Variants in DDX54 observed in about 807,000 individuals in gnomAD.
DDX54 encodes ATP-dependent RNA helicase DDX54.
Under a neutral mutation model 105.5 loss-of-function variants are expected in DDX54, and 67 were observed. That is an observed-to-expected ratio of 0.64 (90% CI 0.52 to 0.78). DDX54 has a LOEUF of 0.78. Ranked by LOEUF, DDX54 falls within the 30% of genes least tolerant of loss-of-function variation. The probability of loss-of-function intolerance (pLI) is 0.00; values close to 1 mark genes in which losing one functional copy is unlikely to be tolerated. For synonymous variants in DDX54, 514 were observed against 509.9 expected (o/e 1.01, Z -0.11); for missense variants, 1,206 against 1,230.5 (o/e 0.98, Z 0.30).
In DDX54 at chr12:113,175,016, T is replaced by C. The variant is rs777475302; in HGVS notation, c.874+20A>G. 2.5e-6 allele frequency: 4 copies of C among 1,608,022 alleles called. No individual in the cohort carries two copies. The highest frequency in any genetic ancestry group is 1.3e-5 in the African/African-American group (1 of 74,630). On this transcript the variant is annotated intron_variant, in intron 8 of 19. Transcript: ENST00000306014. ...CCCAGCCTGACCCCCAGCCCCCATC[T>C]CCACCCCCAGCTCACGCACCAGCCC...
At chr12:113,172,888 G>A (rs1952356908) in intron 10 of DDX54, among the ~76,000 whole-genome samples, 1 of 152,232 alleles carries the variant, frequency 6.6e-6, no homozygotes, top group Admixed American at 6.5e-5. Context: ...GTGACCTTGG[G>A]CAAGTTACCA....
Position 113,163,250 on chromosome 12 carries a change from G to A in DDX54, c.1963C>T (p.Arg655Trp), listed in dbSNP as rs201203830. 12 of 1,610,144 alleles carry A rather than the reference G, an allele frequency of 7.5e-6. No homozygotes were observed. The highest frequency in any genetic ancestry group is 6.7e-5 in the East Asian group (3 of 44,878). The change falls in exon 16 of 20, where the codon CGG (arginine) becomes TGG (tryptophan). Residue 655 changes from arginine to tryptophan, a missense_variant. By Grantham distance (101) the Arg-to-Trp change is moderately radical (BLOSUM62 -3). Coordinates refer to ENST00000306014, the MANE Select transcript of DDX54 (RefSeq NM_024072.4). The surrounding 1 kb of genome is among the most constrained non-coding windows in gnomAD (Gnocchi z 5.9). The part of the protein sequence containing the change: ...VEDIFSEVVG[R>W]KRQRSGPNRG... ...TTGGGTCCTGACCGCTGCCGCTTCC[G>A]GCCCACGACCTCTGAGAAAATGTCC... is the stretch of plus-strand genomic sequence containing the variant.
At position 113,175,110 on chromosome 12, in the gene DDX54, C is replaced by G; in HGVS notation, c.800G>C (p.Arg267Pro). The G allele has an allele frequency of 6.2e-7, 1 of 1,613,596 alleles. No homozygotes were observed. Among genetic ancestry groups the G allele is most frequent in the South Asian group, 1.1e-5 (1 of 91,048 alleles). The change falls in exon 8 of 20, where the codon CGC (arginine) becomes CCC (proline). Residue 267 changes from arginine to proline, a missense_variant. By Grantham distance (103) the Arg-to-Pro change is moderately radical. Transcript: ENST00000306014. ...CACCGTCTGGTGGCCCCCGGGGAGG[C>G]GGGCGATGATCTCCTGCAGCTGCTC... Reference protein sequence around the residue: ...FAEQLQEIIARLPGGHQTVLF... With the variant: ...FAEQLQEIIAPLPGGHQTVLF...
At chr12:113,174,990 C>G (rs1362929958) in intron 8 of DDX54, 46 bp downstream of exon 8, 1 of 1,610,236 alleles carries the variant, frequency 6.2e-7, no homozygotes, top group East Asian at 2.2e-5. Flanking sequence ...GGCCCCCAGG[C>G]CCCAGCCTGA....
chr12:113,165,898 G>A lies in DDX54; in HGVS notation c.1549C>T (p.Gln517Ter). The A allele has an allele frequency of 6.2e-7, 1 of 1,613,806 alleles. No individual in the cohort carries two copies. Among genetic ancestry groups the A allele is most frequent in the Non-Finnish European group, 8.5e-7 (1 of 1,180,028 alleles). Residue 517 changes from glutamine to a stop codon, truncating the protein, a stop_gained, in exon 13 of 20, where the codon CAG becomes TAG. Transcript: ENST00000306014. LOFTEE classifies it high-confidence loss of function. ...GCCGGGCGTGAGCGCACATACTGCT[G>A]CTGGGCGTTATCAGCAACGCGGGCC... is the stretch of plus-strand genomic sequence containing the variant. ...GLARVADNAQ[Q>*]QYVRSRPAPS...
intron 18 of DDX54, 136 bp from the exon 19 acceptor site, chr12:113,161,518 TC>T: frequency 1.6e-6 from 1 of 625,344 alleles, no homozygotes; most frequent in Non-Finnish European, 2.7e-6. Context: ...AGCACACAGG[TC>T]CCACTTATTG....
At position 113,169,801 on chromosome 12, in the gene DDX54, G is replaced by A. The variant is rs1235220544; in HGVS notation, c.1383C>T (p.Leu461=). ...GCTCCTTGAGGGGTCGGGCGAGGGT[G>A]AGGGAGCGGCCCAGGAACAGGTGCA... ...LDLHLFLGRS[L]TLARPLKEPS... Residue 461 remains leucine, a synonymous_variant, in exon 12 of 20, where the codon CTC becomes CTT. Coordinates refer to ENST00000306014, the MANE Select transcript of DDX54 (RefSeq NM_024072.4). 1.9e-6 allele frequency: 3 copies of A among 1,614,018 alleles called. No homozygotes were observed. Among genetic ancestry groups the A allele is most frequent in the Admixed American group, 1.7e-5 (1 of 59,994 alleles).
intron 19 of DDX54, 105 bp from the exon 20 acceptor site, chr12:113,159,214 G>A (rs1360474999): frequency 4.0e-6 from 5 of 1,253,332 alleles, no homozygotes; most frequent in African/African-American, 1.5e-5. Context: ...CCTGTTCTGT[G>A]CTTATTGCTG....
chr12:113,164,368 C>G, intron 14 of DDX54, 83 bp from the exon 15 acceptor site: 1 of 1,450,650 alleles, frequency 6.9e-7, no homozygotes. Flanking sequence ...TTCCTATGGG[C>G]GTTCTTCCCC....
At chr12:113,165,514 T>G in intron 14 of DDX54, 130 bp downstream of exon 14, 1 of 953,180 alleles carries the variant, frequency 1.0e-6, no homozygotes. Flanking sequence ...GGGGTCCTGC[T>G]GGGGGTCAGG....
At chr12:113,174,380 G>A (rs763573970) in intron 10 of DDX54, among the ~76,000 whole-genome samples, 17 of 151,924 alleles carry the variant, frequency 1.1e-4, no homozygotes, top group Non-Finnish European at 2.1e-4. Context: ...CCAAGTACTC[G>A]GGAGGCTGAG....
At chr12:113,185,228 C>T in intron 1 of DDX54, 50 bp downstream of exon 1, 2 of 1,442,974 alleles carry the variant, frequency 1.4e-6, no homozygotes, top group South Asian at 2.9e-5. Context: ...GAGGCGCTGC[C>T]CGGAGCCGGG....
intron 5 of DDX54, among the ~76,000 whole-genome samples, chr12:113,177,529 A>G (rs1566099872): frequency 6.6e-6 from 1 of 152,100 alleles, no homozygotes; most frequent in Non-Finnish European, 1.5e-5. Flanking sequence ...CCCTTGGGAT[A>G]CCTGTAGGAG....
chr12:113,168,377 G>C (rs926900948), intron 12 of DDX54, among the ~76,000 whole-genome samples: 6 of 152,180 alleles, frequency 3.9e-5, no homozygotes, highest in Admixed American at 1.3e-4. Context: ...TTGGGCCTCT[G>C]GGGGGGCCTG....
intron 3 of DDX54, 79 bp downstream of exon 3, chr12:113,179,856 G>A (rs1952445441): frequency 6.7e-7 from 1 of 1,500,642 alleles, no homozygotes; most frequent in Admixed American, 1.7e-5. Flanking sequence ...GTGGGACAAG[G>A]GGTGGCTGTC....
Position 113,163,002 on chromosome 12 carries a change from C to G in DDX54, c.2125G>C (p.Ala709Pro). The part of the protein sequence containing the change: ...GEGGAFEQQA[A>P]GAVLDLMGDE... ...CCCATCAAGTCCAGGACAGCGCCAGCTGCCTGCTGCTCAAAGGCTCCCCCT... is the reference window on the plus strand; with the variant it reads ...CCCATCAAGTCCAGGACAGCGCCAGGTGCCTGCTGCTCAAAGGCTCCCCCT... Residue 709 changes from alanine (A) to proline (P), a missense_variant, in exon 17 of 20, where the codon GCT (alanine) becomes CCT (proline). Ala to Pro is a conservative substitution (Grantham distance 27). This residue lies in a region of DDX54 where 961 missense variants were observed against 1,019.1 expected (regional missense o/e 0.94). Transcript: ENST00000306014. The surrounding 1 kb of genome is among the most constrained non-coding windows in gnomAD (Gnocchi z 5.9). 6.2e-7 allele frequency: 1 copy of G among 1,609,518 alleles called. No homozygotes were observed. The highest frequency in any genetic ancestry group is 8.5e-7 in the Non-Finnish European group (1 of 1,179,818).
chr12:113,164,355 G>A, intron 14 of DDX54, 70 bp from the exon 15 acceptor site: 1 of 1,481,694 alleles, frequency 6.7e-7, no homozygotes. Context: ...CCACTTGGTG[G>A]GCTTCCTATG....
In DDX54 at chr12:113,159,071, G is replaced by A. The variant is rs772730940; in HGVS notation, c.2452C>T (p.Arg818Ter). The change falls in exon 20 of 20, where the codon CGA (arginine) becomes TGA (stop). Residue 818 changes from arginine (R) to a stop codon, truncating the protein, a stop_gained. Coordinates refer to ENST00000306014, the MANE Select transcript of DDX54 (RefSeq NM_024072.4). LOFTEE classifies it high-confidence loss of function. Reference sequence around the variant, plus strand: ...TTGGTCTTGAGTTCCGGGCGGACTCGGCCTGCAGGGGTGCCTGGGGCGTGG... The same window carrying A: ...TTGGTCTTGAGTTCCGGGCGGACTCAGCCTGCAGGGGTGCCTGGGGCGTGG... ...RPHAPGTPAG[R>*]VRPELKTKQQ... The A allele has an allele frequency of 4.4e-6, 7 of 1,607,524 alleles. No homozygotes were observed. Among genetic ancestry groups the A allele is most frequent in the African/African-American group, 2.7e-5 (2 of 74,880 alleles).
Position 113,164,073 on chromosome 12 carries a change from A to T in DDX54, c.1932T>A (p.Ser644Arg). The T allele has an allele frequency of 6.5e-7, 1 of 1,545,656 alleles. No homozygotes were observed. The highest frequency in any genetic ancestry group is 2.0e-5 in the Admixed American group (1 of 50,700). The change falls in exon 15 of 20, where the codon AGT becomes AGA. Residue 644 changes from serine (S) to arginine (R), a missense_variant. This residue lies in a region of DDX54 where 961 missense variants were observed against 1,019.1 expected (regional missense o/e 0.94). Transcript: ENST00000306014. ...CCCAGGGTGGAACCTGTACCTCCACACTCTCTCCCGCCTCCTCCTCCTCCT... is the reference window on the plus strand; with the variant it reads ...CCCAGGGTGGAACCTGTACCTCCACTCTCTCTCCCGCCTCCTCCTCCTCCT... ...EKEEEEEAGE[S>R]VEDIFSEVVG...
Sources: allele counts gnomAD v4.1 joint callset (sites outside exome capture counted in the v4.1 genomes callset), GRCh38; gene constraint gnomAD v4.1.1; regional missense constraint gnomAD v4.1.1; non-coding constraint Gnocchi (gnomAD v3.1); transcripts MANE v1.5; gene names NCBI Gene and HGNC (gene_info 2026-07-23, HGNC 2026-07-21).